Variants in BCAS3 observed in about 807,000 individuals in gnomAD.
BCAS3 encodes the protein BCAS3 microtubule associated cell migration factor.
BCAS3 carries 53 observed loss-of-function variants against 116.1 expected under a neutral mutation model. That is an observed-to-expected ratio of 0.46 (90% CI 0.37 to 0.57). The LOEUF (loss-of-function observed/expected upper bound fraction) is 0.57. Among genes scored for constraint, BCAS3 ranks in the 20% least tolerant of loss-of-function variants. BCAS3 has a pLI of 0.00. For synonymous variants in BCAS3, 391 were observed against 408.2 expected (o/e 0.96, Z 0.51); for missense variants, 917 against 1,165.4 (o/e 0.79, Z 3.10).
At chr17:60,849,412 T>C (rs1341673940) in intron 7 of BCAS3, among the ~76,000 whole-genome samples, 1 of 152,204 alleles carries the variant, frequency 6.6e-6, no homozygotes, top group Non-Finnish European at 1.5e-5. Context: ...ATGTACACTT[T>C]CTGTTTTTAC....
rs2060151425 is a variant in BCAS3, at chr17:61,391,911, C to T, written c.2594-66C>T. The T allele has an allele frequency of 5.8e-6, 9 of 1,559,284 alleles. No homozygotes were observed. Among genetic ancestry groups the T allele is most frequent in the Non-Finnish European group, 7.0e-6 (8 of 1,149,232 alleles). The stretch of plus-strand genomic sequence containing the variant: ...GGTGCCTCAAGGCAGGCAGCCTGGC[C>T]CAGATGGTGCCCCCACTCCCCAGAC... On this transcript the variant is annotated intron_variant, in intron 23 of 23. Transcript: ENST00000407086. This position sits in a 1 kb window ranked among gnomAD's most constrained non-coding sequence, Gnocchi z 7.7.
intron 6 of BCAS3, among the ~76,000 whole-genome samples, chr17:60,762,925 A>G (rs2043687406): frequency 6.6e-6 from 1 of 151,600 alleles, no homozygotes; most frequent in Non-Finnish European, 1.5e-5. Flanking sequence ...GTCCCTTGTT[A>G]GTTGGATTCC....
intron 12 of BCAS3, among the ~76,000 whole-genome samples, chr17:60,921,311 A>T (rs897377859): frequency 6.6e-6 from 1 of 152,174 alleles, no homozygotes; most frequent in Non-Finnish European, 1.5e-5. Flanking sequence ...GGAGAAATGA[A>T]AAACCAAATA....
At chr17:61,353,747 C>G (rs1054668168) in intron 22 of BCAS3, 3 of 152,376 alleles carry the variant, frequency 2.0e-5, no homozygotes, top group Non-Finnish European at 4.4e-5. Flanking sequence ...TCCTTTCTCC[C>G]TGGTTTCCAC....
rs1480978678 is a variant in BCAS3, at chr17:61,084,440, T to C, written c.2328-27T>C. 2 of 1,573,894 alleles carry C rather than the reference T, an allele frequency of 1.3e-6. No homozygotes were observed. The highest frequency in any genetic ancestry group is 2.2e-5 in the East Asian group (1 of 44,590). ...TGACAGTTTTGATGCCAGTAACATA[T>C]GTGAATTAAATTAAATTGCATTGCA... On this transcript the variant is annotated intron_variant, in intron 21 of 23. Coordinates refer to ENST00000407086, the MANE Select transcript of BCAS3 (RefSeq NM_017679.5). This position sits in a 1 kb window ranked among gnomAD's most constrained non-coding sequence, Gnocchi z 5.5.
chr17:61,298,794 ATTTAT>A (rs2053168424), intron 22 of BCAS3, among the ~76,000 whole-genome samples: 1 of 54,802 alleles, frequency 1.8e-5, no homozygotes, highest in Non-Finnish European at 4.1e-5. Context: ...ACATGCCATT[ATTTAT>A]TTATTTATTT....
intron 6 of BCAS3, among the ~76,000 whole-genome samples, chr17:60,764,788 C>T (rs997351535): frequency 6.6e-6 from 1 of 152,168 alleles, no homozygotes; most frequent in Non-Finnish European, 1.5e-5. Flanking sequence ...CTAATATTGA[C>T]AGCGGGGTGT....
intron 22 of BCAS3, among the ~76,000 whole-genome samples, chr17:61,192,257 A>AAAAAAAAAAAAAAAAAAAC: frequency 1.3e-5 from 2 of 149,792 alleles, no homozygotes; most frequent in African/African-American, 4.9e-5. Context: ...AAAAAAAAAA[A>AAAAAAAAAAAAAAAAAAAC]AAAAAGAAAC....
rs567378428 is a variant in BCAS3 at position 61,365,704 on chromosome 17, T to C, written c.2426-2623T>C. ...CTCTTGGTCCCGCTGTCACCCCACC[T>C]GCCTTGACCTCTGAACACAGTAATG... On this transcript the variant is annotated intron_variant, in intron 22 of 23. Transcript: ENST00000407086. This position sits in a 1 kb window ranked among gnomAD's most constrained non-coding sequence, Gnocchi z 4.6. Among the ~76,000 whole-genome samples the C allele has an allele frequency of 2.0e-5, 3 of 152,270 alleles. No homozygotes were observed. In the South Asian group the frequency reaches 6.2e-4, roughly 32 times the overall value.
chr17:60,992,271 A>T (rs145960128), intron 15 of BCAS3, among the ~76,000 whole-genome samples: 67 of 151,998 alleles, frequency 4.4e-4, no homozygotes, highest in Non-Finnish European at 7.9e-4. Context: ...AAATATAGGT[A>T]AATGTTTTCC....
Position 61,211,450 on chromosome 17 carries a change from G to A in BCAS3, c.2425+126886G>A, listed in dbSNP as rs2144335517. The stretch of plus-strand genomic sequence containing the variant: ...TGCCCAATTTGAGCCCTTTTGAGTT[G>A]ACCTCCCTTGGATGAGTAGCTCTTT... On this transcript the variant is annotated intron_variant, in intron 22 of 23. Transcript: ENST00000407086. This position sits in a 1 kb window ranked among gnomAD's most constrained non-coding sequence, Gnocchi z 4.4. 6.6e-6 allele frequency among the ~76,000 whole-genome samples: 1 copy of A among 152,174 alleles called. No homozygotes were observed. Among genetic ancestry groups the A allele is most frequent in the Non-Finnish European group, 1.5e-5 (1 of 68,012 alleles).
chr17:60,841,139 A>G (rs1046826121), intron 7 of BCAS3, among the ~76,000 whole-genome samples: 1 of 152,200 alleles, frequency 6.6e-6, no homozygotes, highest in Non-Finnish European at 1.5e-5. Flanking sequence ...TGTAGCATAT[A>G]TAAATGAAGT....
rs886070772 is a variant in BCAS3 at position 61,355,455 on chromosome 17, G to A, written c.2426-12872G>A. Among the ~76,000 whole-genome samples, 4 of 150,458 alleles carry A rather than the reference G, an allele frequency of 2.7e-5. No individual in the cohort carries two copies. In the East Asian group the frequency reaches 6.0e-4, roughly 23 times the overall value. Reference sequence around the variant, plus strand: ...GAAAGACTGAGCTGAAAACCCCCTCGCTGGCACTCCAGCCATATTTTCAAA... The same window carrying A: ...GAAAGACTGAGCTGAAAACCCCCTCACTGGCACTCCAGCCATATTTTCAAA... On this transcript the variant is annotated intron_variant, in intron 22 of 23. Transcript: ENST00000407086. The surrounding 1 kb of genome is among the most constrained non-coding windows in gnomAD (Gnocchi z 4.2).
Position 61,082,926 on chromosome 17 carries a change from T to C in BCAS3, c.2328-1541T>C, listed in dbSNP as rs182597066. 6.6e-5 allele frequency among the ~76,000 whole-genome samples: 10 copies of C among 152,328 alleles called. No individual in the cohort carries two copies. Among genetic ancestry groups the C allele is most frequent in the Admixed American group, 6.5e-4 (10 of 15,300 alleles). On this transcript the variant is annotated intron_variant, in intron 21 of 23. Coordinates refer to ENST00000407086, the MANE Select transcript of BCAS3 (RefSeq NM_017679.5). This position sits in a 1 kb window ranked among gnomAD's most constrained non-coding sequence, Gnocchi z 5.1. ...TCTTCCTCACAACAAAAGCATGCAT[T>C]TCATAACTAGTCTGCAGTTCATACT... is the stretch of plus-strand genomic sequence containing the variant.
At chr17:61,165,790 A>C (rs2078457186) in intron 22 of BCAS3, among the ~76,000 whole-genome samples, 1 of 152,234 alleles carries the variant, frequency 6.6e-6, no homozygotes, top group South Asian at 2.1e-4. Context: ...CTATTTTTAA[A>C]AAGTTATAAT....
intron 22 of BCAS3, among the ~76,000 whole-genome samples, chr17:61,201,293 C>T (rs1273589368): frequency 6.6e-6 from 1 of 152,168 alleles, no homozygotes; most frequent in Non-Finnish European, 1.5e-5. Flanking sequence ...CACAAGAGCA[C>T]TGAAGTGTGT....
intron 19 of BCAS3, among the ~76,000 whole-genome samples, chr17:61,059,178 G>T (rs1236603325): frequency 6.9e-6 from 1 of 144,148 alleles, no homozygotes; most frequent in African/African-American, 2.7e-5. Flanking sequence ...TGCCTCCTGG[G>T]TTCACACCAT....
chr17:61,046,089 T>TA (rs2068300814), intron 19 of BCAS3, among the ~76,000 whole-genome samples: 1 of 49,308 alleles, frequency 2.0e-5, no homozygotes, highest in Non-Finnish European at 3.4e-5. Context: ...TATTTATATA[T>TA]ATATATAATA....
chr17:60,901,243 GTT>G (rs922429434), intron 10 of BCAS3, among the ~76,000 whole-genome samples: 3 of 151,472 alleles, frequency 2.0e-5, no homozygotes, highest in African/African-American at 7.3e-5. Context: ...TAAGAGTGTT[GTT>G]GTTGTTGTTG....
Sources: gnomAD v4.1 joint callset for allele counts (sites outside exome capture counted in the v4.1 genomes callset) on GRCh38, gnomAD v4.1.1 for gene constraint, Gnocchi (gnomAD v3.1) non-coding constraint, MANE v1.5 for transcripts, NCBI Gene and HGNC (gene_info 2026-07-23, HGNC 2026-07-21) for gene names.